RAB30: variants seen among roughly 807,000 people sequenced by gnomAD.
RAB30 encodes the protein ras-related protein Rab-30.
Under a neutral mutation model 25.1 loss-of-function variants are expected in RAB30, and 9 were observed. The observed-to-expected ratio is 0.36, with a 90% confidence interval of 0.22 to 0.63. The LOEUF (loss-of-function observed/expected upper bound fraction) is 0.63, where lower values mean the gene tolerates loss of function less well. Ranked by LOEUF, RAB30 falls within the 20% of genes least tolerant of loss-of-function variation. The pLI is 0.69. For missense variants in RAB30, 140 were observed against 243.5 expected (o/e 0.58, Z 2.83); for synonymous variants, 77 against 86.4 (o/e 0.89, Z 0.60).
chr11:82,976,253 C>G lies in RAB30; in HGVS notation c.*5912G>C, dbSNP rs1238811221. 3 of 152,216 alleles carry G rather than the reference C, an allele frequency of 2.0e-5. No homozygotes were observed. The highest frequency in any genetic ancestry group is 1.3e-4 in the Admixed American group (2 of 15,274). The allele number at this position is 152,216 out of a possible 1,614,324, so 9.4% of individuals were successfully genotyped here. A position where few individuals can be genotyped will look rare whatever the true frequency, so the allele number is the denominator to read the frequency against. On this transcript the variant is annotated 3_prime_UTR_variant, in exon 5 of 5. Coordinates refer to ENST00000527633, the MANE Select transcript of RAB30 (RefSeq NM_001286060.2). ...GGCATCAGACCATTCAAAGTCTGCTCTTAATTAAAGTGAAAAAGAACTAAT... is the reference window on the plus strand; with the variant it reads ...GGCATCAGACCATTCAAAGTCTGCTGTTAATTAAAGTGAAAAAGAACTAAT...
At chr11:83,048,794 T>C (rs1384296609) in intron 1 of RAB30, among the ~76,000 whole-genome samples, 2 of 152,228 alleles carry the variant, frequency 1.3e-5, no homozygotes, top group African/African-American at 2.4e-5. Flanking sequence ...AAAGGTCCTG[T>C]CGTGGCTGCT....
chr11:83,039,901 C>T (rs1858069618), intron 1 of RAB30, among the ~76,000 whole-genome samples: 1 of 152,014 alleles, frequency 6.6e-6, no homozygotes, highest in Non-Finnish European at 1.5e-5. Flanking sequence ...TTTCAAAGGG[C>T]AACTGGATGA....
At chr11:83,060,740 A>G (rs778985885) in intron 1 of RAB30, among the ~76,000 whole-genome samples, 9 of 152,230 alleles carry the variant, frequency 5.9e-5, no homozygotes, top group Non-Finnish European at 1.3e-4. Flanking sequence ...GATTAGATTA[A>G]GAAATACCTA....
intron 1 of RAB30, chr11:83,041,250 G>A: frequency 5.9e-6 from 1 of 168,452 alleles, no homozygotes; most frequent in East Asian, 1.4e-4. Flanking sequence ...TCTTTCAGAT[G>A]TGGATCTTCT....
intron 1 of RAB30, among the ~76,000 whole-genome samples, chr11:83,033,055 C>CT (rs71463144): frequency 0.035 from 2,733 of 77,918 alleles, 381 homozygotes; most frequent in Non-Finnish European, 0.046. Context: ...GCCTCAAATT[C>CT]TTTTTTTTTT....
At chr11:82,986,378 A>C (rs1319951803) in intron 4 of RAB30, among the ~76,000 whole-genome samples, 1 of 152,218 alleles carries the variant, frequency 6.6e-6, no homozygotes, top group East Asian at 1.9e-4. Context: ...TTTTAAGCCA[A>C]TTCCTCTTTC....
chr11:83,046,396 T>C (rs368772288), intron 1 of RAB30, among the ~76,000 whole-genome samples: 3 of 152,192 alleles, frequency 2.0e-5, no homozygotes, highest in Non-Finnish European at 2.9e-5. Flanking sequence ...AGTTTCCTCA[T>C]TGGTAAAATG....
chr11:83,052,919 G>C (rs1002707941), intron 1 of RAB30, among the ~76,000 whole-genome samples: 4 of 152,190 alleles, frequency 2.6e-5, no homozygotes, highest in African/African-American at 9.7e-5. Flanking sequence ...TGGGAAAAGA[G>C]ACAGTGAGGT....
intron 3 of RAB30, chr11:82,992,415 GAC>G (rs1195663962): frequency 2.2e-6 from 1 of 455,732 alleles, no homozygotes; most frequent in Admixed American, 2.3e-5. Context: ...GGCTGGAAGA[GAC>G]ACTGAGAGAG....
rs188285290 is a variant in RAB30, at chr11:82,977,387, T to C, written c.*4778A>G. ...TCATTAGCTATGAATTAACAGATATTTAATTGAACATGTTATGAGAGGCAA... is the reference window on the plus strand; with the variant it reads ...TCATTAGCTATGAATTAACAGATATCTAATTGAACATGTTATGAGAGGCAA... On this transcript the variant is annotated 3_prime_UTR_variant, in exon 5 of 5. Transcript: ENST00000527633. 2 of 152,312 alleles carry C rather than the reference T, an allele frequency of 1.3e-5. No individual in the cohort carries two copies. Among genetic ancestry groups the C allele is most frequent in the South Asian group, 2.1e-4 (1 of 4,834 alleles). The allele number at this position is 152,312 out of a possible 1,614,324, so 9.4% of individuals were successfully genotyped here.
chr11:82,980,747 T>C lies in RAB30; in HGVS notation c.*1418A>G, dbSNP rs1403811369. Reference sequence around the variant, plus strand: ...AGCACATCTCCCATTTTGAGTCCTGTTTTTAAATTGGCTAAGTAAAGGCAT... The same window carrying C: ...AGCACATCTCCCATTTTGAGTCCTGCTTTTAAATTGGCTAAGTAAAGGCAT... On this transcript the variant is annotated 3_prime_UTR_variant, in exon 5 of 5. Transcript: ENST00000527633. The C allele has an allele frequency of 6.6e-6, 1 of 152,084 alleles. No individual in the cohort carries two copies. The highest frequency in any genetic ancestry group is 1.5e-5 in the Non-Finnish European group (1 of 68,006). 9.4% of individuals were successfully genotyped at this position (152,084 alleles called of 1,614,324 possible). A position where few individuals can be genotyped will look rare whatever the true frequency, so the allele number is the denominator to read the frequency against.
chr11:83,034,304 GA>G (rs1413273944), intron 1 of RAB30: 5 of 152,206 alleles, frequency 3.3e-5, no homozygotes, highest in Non-Finnish European at 5.9e-5. Context: ...GAATTTTAAT[GA>G]AAACCAGAAA....
intron 1 of RAB30, among the ~76,000 whole-genome samples, chr11:83,055,286 C>T (rs567693285): frequency 4.9e-4 from 75 of 152,310 alleles, no homozygotes; most frequent in African/African-American, 1.8e-3. Flanking sequence ...TCCAGCACAC[C>T]ACAACTTCAT....
At chr11:83,054,977 G>A (rs1215614567) in intron 1 of RAB30, among the ~76,000 whole-genome samples, 1 of 152,248 alleles carries the variant, frequency 6.6e-6, no homozygotes, top group African/African-American at 2.4e-5. Context: ...TTTGACTGTA[G>A]TTCAAAAGCA....
chr11:82,974,257 T>A lies in RAB30; in HGVS notation c.*7908A>T, dbSNP rs573865671. ...TAAACCGTATGGTGCATGAATGATA[T>A]CTTAATTTTAAAAAGAGATGCAACT... On this transcript the variant is annotated 3_prime_UTR_variant, in exon 5 of 5. Transcript: ENST00000527633. 7 of 152,296 alleles carry A rather than the reference T, an allele frequency of 4.6e-5. No homozygotes were observed. In the South Asian group the frequency reaches 1.2e-3, roughly 27 times the overall value. 9.4% of individuals were successfully genotyped at this position (152,296 alleles called of 1,614,324 possible).
chr11:83,041,442 G>T, intron 1 of RAB30: 1 of 196,560 alleles, frequency 5.1e-6, no homozygotes, highest in Non-Finnish European at 1.1e-5. Context: ...CAAGGTCAGA[G>T]ACATAAACAT....
intron 4 of RAB30, among the ~76,000 whole-genome samples, chr11:82,986,266 A>G (rs2121438176): frequency 6.6e-6 from 1 of 152,354 alleles, no homozygotes; most frequent in East Asian, 1.9e-4. Flanking sequence ...AAGATTGGTC[A>G]TGAGTTGGTA....
intron 1 of RAB30, among the ~76,000 whole-genome samples, chr11:83,033,188 C>T (rs1010925881): frequency 6.6e-6 from 1 of 151,426 alleles, no homozygotes; most frequent in Admixed American, 6.6e-5. Context: ...CCTCAGCCTC[C>T]GGAGTAGCTA....
intron 1 of RAB30, among the ~76,000 whole-genome samples, chr11:83,019,175 T>G (rs1857507807): frequency 2.0e-5 from 3 of 152,140 alleles, no homozygotes; most frequent in Admixed American, 2.0e-4. Context: ...TACAGGCATG[T>G]GCCACCATGC....
Sources: gnomAD v4.1 joint callset for allele counts (sites outside exome capture counted in the v4.1 genomes callset) on GRCh38, gnomAD v4.1.1 for gene constraint, MANE v1.5 for transcripts, NCBI Gene and HGNC (gene_info 2026-07-23, HGNC 2026-07-21) for gene names.